DIP2B: variants seen among roughly 807,000 people sequenced by gnomAD.
The protein encoded by DIP2B is DIP2 acetate--CoA ligase B (putative).
DIP2B carries 76 observed loss-of-function variants against 198.0 expected under a neutral mutation model. The ratio of observed to expected loss-of-function variants is 0.38; its 90% CI spans 0.32 to 0.46. The LOEUF is 0.46. Ranked by LOEUF, DIP2B falls within the 20% of genes least tolerant of loss-of-function variation. DIP2B has a pLI of 0.99. For missense variants in DIP2B, 1,559 were observed against 1,978.4 expected (o/e 0.79, Z 4.02); for synonymous variants, 701 against 739.1 (o/e 0.95, Z 0.84).
chr12:50,625,841 A>G, intron 1 of DIP2B, 135 bp from the exon 2 acceptor site: 1 of 829,118 alleles, frequency 1.2e-6, no homozygotes. Flanking sequence ...TTGGCAAAGA[A>G]CCATACATTC....
chr12:50,719,957 G>T (rs966768162), intron 25 of DIP2B, among the ~76,000 whole-genome samples: 13 of 149,428 alleles, frequency 8.7e-5, no homozygotes, highest in Non-Finnish European at 3.0e-5. Context: ...TTGAGATGGA[G>T]TCTTGCTCTG....
intron 14 of DIP2B, among the ~76,000 whole-genome samples, chr12:50,694,559 A>G (rs1487762810): frequency 2.1e-5 from 3 of 139,988 alleles, no homozygotes; most frequent in South Asian, 4.7e-4. Flanking sequence ...ATACATACAT[A>G]CACCAGTCCC....
chr12:50,555,666 C>G (rs1429390130), intron 1 of DIP2B, among the ~76,000 whole-genome samples: 1 of 152,064 alleles, frequency 6.6e-6, no homozygotes, highest in Non-Finnish European at 1.5e-5. Context: ...TTACCCTCAT[C>G]TTGTTCCAAG....
At chr12:50,644,605 C>G (rs1938318184) in intron 3 of DIP2B, among the ~76,000 whole-genome samples, 1 of 152,180 alleles carries the variant, frequency 6.6e-6, no homozygotes, top group Non-Finnish European at 1.5e-5. Flanking sequence ...AGAGAGCTGC[C>G]TGTTCTTATC....
At chr12:50,593,717 T>TCCCCCCTCCC (rs1593637801) in intron 1 of DIP2B, among the ~76,000 whole-genome samples, 1 of 11,274 alleles carries the variant, frequency 8.9e-5, no homozygotes, top group Admixed American at 1.1e-3. Context: ...CCTCCTCTCC[T>TCCCCCCTCCC]CTCCTCTCCT....
intron 1 of DIP2B, among the ~76,000 whole-genome samples, chr12:50,596,595 G>T (rs961767574): frequency 6.6e-6 from 1 of 152,314 alleles, no homozygotes; most frequent in Non-Finnish European, 1.5e-5. Flanking sequence ...GCCAGGTGCC[G>T]TCACTGACAC....
At chr12:50,515,956 A>G (rs190821081) in intron 1 of DIP2B, among the ~76,000 whole-genome samples, 1 of 152,182 alleles carries the variant, frequency 6.6e-6, no homozygotes, top group Non-Finnish European at 1.5e-5. Flanking sequence ...TGCTATGACA[A>G]AATACCTTAG....
intron 3 of DIP2B, among the ~76,000 whole-genome samples, chr12:50,648,174 A>G (rs2252589): frequency 0.27 from 41,191 of 152,044 alleles, 6,344 homozygotes; most frequent in Non-Finnish European, 0.35. Context: ...GAAACTAAAA[A>G]TAACATATTC....
chr12:50,680,815 A>G, intron 9 of DIP2B, 52 bp downstream of exon 9: 1 of 1,462,352 alleles, frequency 6.8e-7, no homozygotes, highest in South Asian at 1.2e-5. Flanking sequence ...GTTTTCTAAT[A>G]TGCTAATATT....
chr12:50,652,180 G>C (rs1446411527), intron 3 of DIP2B, among the ~76,000 whole-genome samples: 1 of 151,982 alleles, frequency 6.6e-6, no homozygotes, highest in East Asian at 1.9e-4. Flanking sequence ...AGGCGTTGTA[G>C]CAGGCACCTC....
chr12:50,714,325 G>T, intron 22 of DIP2B, 70 bp from the exon 23 acceptor site: 1 of 1,575,440 alleles, frequency 6.3e-7, no homozygotes, highest in Non-Finnish European at 8.7e-7. Flanking sequence ...TAAAATAATG[G>T]ATTATACCAG....
intron 1 of DIP2B, among the ~76,000 whole-genome samples, chr12:50,610,834 G>T (rs1166023026): frequency 7.2e-6 from 1 of 139,736 alleles, no homozygotes; most frequent in East Asian, 2.2e-4. Flanking sequence ...ATGGAGGCTC[G>T]CTCTGTTGCC....
intron 1 of DIP2B, among the ~76,000 whole-genome samples, chr12:50,570,898 G>C (rs1749687880): frequency 1.3e-5 from 2 of 152,002 alleles, no homozygotes; most frequent in African/African-American, 4.8e-5. Context: ...AGAAATTTTG[G>C]CTTCATTTTT....
At position 50,723,332 on chromosome 12, in the gene DIP2B, C is replaced by G; in HGVS notation, c.3288+9C>G. On this transcript the variant is annotated intron_variant, in intron 27 of 37. Transcript: ENST00000301180. ...TCCGAATGATTGTTGATGTAAGTAC[C>G]AGCTGTATCTTGCCTTGTCCTCATC... 6.2e-7 allele frequency: 1 copy of G among 1,614,056 alleles called. No homozygotes were observed. Among genetic ancestry groups the G allele is most frequent in the South Asian group, 1.1e-5 (1 of 91,082 alleles).
chr12:50,652,806 G>T (rs149454807), intron 3 of DIP2B, among the ~76,000 whole-genome samples: 1 of 152,066 alleles, frequency 6.6e-6, no homozygotes, highest in Non-Finnish European at 1.5e-5. Context: ...ATGTTTTACA[G>T]TTTTTAATGT....
chr12:50,599,242 A>T (rs1006602656), intron 1 of DIP2B, among the ~76,000 whole-genome samples: 3 of 150,530 alleles, frequency 2.0e-5, no homozygotes, highest in African/African-American at 7.3e-5. Flanking sequence ...CAGTGAACCG[A>T]GATGGCACCA....
intron 10 of DIP2B, among the ~76,000 whole-genome samples, chr12:50,683,531 C>T (rs938308257): frequency 7.3e-5 from 11 of 151,646 alleles, no homozygotes; most frequent in African/African-American, 2.4e-4. Flanking sequence ...CCTGTAATCA[C>T]AGCACTTTGG....
chr12:50,605,016 A>G (rs1958969734), intron 1 of DIP2B, among the ~76,000 whole-genome samples: 1 of 152,154 alleles, frequency 6.6e-6, no homozygotes, highest in Non-Finnish European at 1.5e-5. Context: ...AACATGATGA[A>G]TTGCTTAAAG....
intron 1 of DIP2B, among the ~76,000 whole-genome samples, chr12:50,620,270 C>T (rs1214054380): frequency 2.0e-5 from 3 of 152,196 alleles, no homozygotes; most frequent in Non-Finnish European, 4.4e-5. Flanking sequence ...TCACGCACGC[C>T]TCCTCACAGC....
Sources: gnomAD v4.1 joint callset for allele counts (sites outside exome capture counted in the v4.1 genomes callset) on GRCh38, gnomAD v4.1.1 for gene constraint, MANE v1.5 for transcripts, NCBI Gene and HGNC (gene_info 2026-07-23, HGNC 2026-07-21) for gene names.